Variants in PCDH15 observed in about 807,000 individuals in gnomAD.
PCDH15 encodes the protein protocadherin-15.
A neutral mutation model predicts 178.5 loss-of-function variants in PCDH15; 129 were observed. The ratio of observed to expected loss-of-function variants is 0.72; its 90% confidence interval spans 0.63 to 0.84. The LOEUF (loss-of-function observed/expected upper bound fraction) is 0.84. Among genes scored for constraint, PCDH15 ranks in the 40% least tolerant of loss-of-function variants. The pLI is 0.00. For missense variants in PCDH15, 2,230 were observed against 2,099.9 expected (o/e 1.06, Z -1.21); for synonymous variants, 800 against 732.0 (o/e 1.09, Z -1.50).
chr10:53,875,829 G>A (rs1589200505), intron 26 of PCDH15, among the ~76,000 whole-genome samples: 2 of 152,010 alleles, frequency 1.3e-5, no homozygotes, highest in Non-Finnish European at 2.9e-5. Context: ...AGGGGAGTAG[G>A]GGAGACCATT....
intron 1 of PCDH15, among the ~76,000 whole-genome samples, chr10:55,220,057 T>G (rs1446247196): frequency 3.3e-5 from 5 of 151,950 alleles, no homozygotes; most frequent in Admixed American, 3.3e-4. Context: ...AAGTTATTAT[T>G]TTATTTCTCT....
chr10:55,572,638 T>C (rs369321406), intron 2 of PCDH15, among the ~76,000 whole-genome samples: 47 of 152,016 alleles, frequency 3.1e-4, no homozygotes, highest in African/African-American at 9.9e-4. Flanking sequence ...TGTACGGATT[T>C]TGGTTGTGAT....
At chr10:54,799,763 G>T (rs1161803481) in intron 1 of PCDH15, among the ~76,000 whole-genome samples, 1 of 152,012 alleles carries the variant, frequency 6.6e-6, no homozygotes, top group Non-Finnish European at 1.5e-5. Flanking sequence ...GAAACTTGAA[G>T]ACACACATGT....
chr10:53,859,276 C>T (rs1159258571), intron 27 of PCDH15, among the ~76,000 whole-genome samples: 4 of 152,114 alleles, frequency 2.6e-5, no homozygotes. Flanking sequence ...TGAAGCACTT[C>T]CTAATTCCAC....
chr10:53,806,563 T>G lies in PCDH15; in HGVS notation c.*16A>C, dbSNP rs146326496. 1.1e-3 allele frequency: 1,681 copies of G among 1,545,806 alleles called. 24 individuals are homozygous for G. The African/African-American group carries it at 0.02, about 19-fold the overall frequency. On this transcript the variant is annotated 3_prime_UTR_variant, in exon 38 of 38. Coordinates refer to ENST00000644397, the MANE Select transcript of PCDH15 (RefSeq NM_001384140.1). Reference sequence around the variant, plus strand: ...ATGTAAGTAAAAATTAATTAAAATATCTTTTAAAAAATTGGTCACAGTTTT... The same window carrying G: ...ATGTAAGTAAAAATTAATTAAAATAGCTTTTAAAAAATTGGTCACAGTTTT...
intron 2 of PCDH15, among the ~76,000 whole-genome samples, chr10:54,564,060 TTAA>T (rs1459347297): frequency 6.6e-6 from 1 of 152,142 alleles, no homozygotes; most frequent in East Asian, 1.9e-4. Context: ...TCTAAATTAA[TTAA>T]TTATAAAGAA....
At chr10:54,678,591 A>G (rs371836416) in intron 1 of PCDH15, among the ~76,000 whole-genome samples, 235 of 152,272 alleles carry the variant, frequency 1.5e-3, no homozygotes, top group African/African-American at 5.3e-3. Context: ...AATGATTGAA[A>G]GCATGACAAA....
intron 8 of PCDH15, among the ~76,000 whole-genome samples, chr10:54,296,169 A>AAAAAAAAAAAAT (rs2059769716): frequency 7.0e-6 from 1 of 142,526 alleles, no homozygotes; most frequent in African/African-American, 2.6e-5. Flanking sequence ...AAAAAAAAAA[A>AAAAAAAAAAAAT]GTGGTTGGCA....
intron 1 of PCDH15, among the ~76,000 whole-genome samples, chr10:54,705,909 A>C (rs2095360713): frequency 6.6e-6 from 1 of 152,146 alleles, no homozygotes; most frequent in African/African-American, 2.4e-5. Context: ...CAGTATTGAT[A>C]GATGTGGTAT....
At chr10:54,508,541 T>G (rs2137660488) in intron 3 of PCDH15, among the ~76,000 whole-genome samples, 1 of 152,238 alleles carries the variant, frequency 6.6e-6, no homozygotes, top group South Asian at 2.1e-4. Context: ...ACCACTTATA[T>G]TGGTCTACAT....
intron 2 of PCDH15, among the ~76,000 whole-genome samples, chr10:55,475,213 G>A (rs1840039367): frequency 2.6e-5 from 4 of 152,074 alleles, no homozygotes; most frequent in Admixed American, 2.6e-4. Context: ...ATTTACTCAT[G>A]AGGGATCCAC....
chr10:54,924,608 AT>A (rs144345018), intron 2 of PCDH15, among the ~76,000 whole-genome samples: 4 of 149,610 alleles, frequency 2.7e-5, no homozygotes, highest in Admixed American at 2.0e-4. Context: ...AGCATCTGTT[AT>A]TTTTTTTTAC....
intron 2 of PCDH15, among the ~76,000 whole-genome samples, chr10:55,015,393 A>C (rs1840147929): frequency 6.6e-6 from 1 of 151,964 alleles, no homozygotes. Flanking sequence ...TAGAGACACA[A>C]AGCCTGGAAA....
chr10:55,622,562 A>C (rs1436935179), intron 2 of PCDH15, among the ~76,000 whole-genome samples: 1 of 152,136 alleles, frequency 6.6e-6, no homozygotes, highest in African/African-American at 2.4e-5. Flanking sequence ...GAAACATCTT[A>C]GTGTAAGAGT....
At chr10:54,071,688 T>C (rs1004716323) in intron 17 of PCDH15, among the ~76,000 whole-genome samples, 6 of 152,122 alleles carry the variant, frequency 3.9e-5, no homozygotes, top group Non-Finnish European at 8.8e-5. Context: ...CAGAGACTCA[T>C]GGTATGTATA....
intron 2 of PCDH15, among the ~76,000 whole-genome samples, chr10:54,643,278 G>A (rs1452790019): frequency 1.3e-5 from 2 of 152,110 alleles, no homozygotes; most frequent in Non-Finnish European, 2.9e-5. Context: ...TTTTAGAAGA[G>A]TCTCCTCAAA....
At chr10:55,207,520 TAGAC>T (rs1187301541) in intron 1 of PCDH15, among the ~76,000 whole-genome samples, 3 of 152,156 alleles carry the variant, frequency 2.0e-5, no homozygotes, top group African/African-American at 7.2e-5. Context: ...GAATTTCTGA[TAGAC>T]TGATTGATTG....
At chr10:54,991,858 G>T (rs1839509003) in intron 2 of PCDH15, among the ~76,000 whole-genome samples, 1 of 151,608 alleles carries the variant, frequency 6.6e-6, no homozygotes, top group South Asian at 2.1e-4. Flanking sequence ...AACTAAGTAG[G>T]GCATACTGTT....
intron 1 of PCDH15, among the ~76,000 whole-genome samples, chr10:55,224,281 C>T (rs1347662824): frequency 6.6e-6 from 1 of 152,216 alleles, no homozygotes; most frequent in African/African-American, 2.4e-5. Flanking sequence ...CTTCCTGTAT[C>T]TATATCCTTT....
Sources: gnomAD v4.1 joint callset for allele counts (sites outside exome capture counted in the v4.1 genomes callset) on GRCh38, gnomAD v4.1.1 for gene constraint, MANE v1.5 for transcripts, NCBI Gene and HGNC (gene_info 2026-07-23, HGNC 2026-07-21) for gene names.